The following PRPF18 variants were observed in gnomAD, a reference collection of about 807,000 sequenced individuals.
PRPF18 encodes pre-mRNA-splicing factor 18.
In PRPF18, 38 loss-of-function variants were observed where a neutral mutation model predicts 46.5. The observed-to-expected ratio is 0.82, with a 90% CI of 0.63 to 1.07. The LOEUF (loss-of-function observed/expected upper bound fraction) is 1.07, where lower values mean the gene tolerates loss of function less well. PRPF18 is among the 50% of genes least tolerant of loss of function. The pLI, the probability that PRPF18 is intolerant of heterozygous loss-of-function variation, is 0.00. For missense variants in PRPF18, 263 were observed against 410.0 expected, an observed-to-expected ratio of 0.64 and a Z score of 3.10; for synonymous variants, 152 against 146.7, an observed-to-expected ratio of 1.04 and a Z score of -0.26.
intron 9 of PRPF18, among the ~76,000 whole-genome samples, chr10:13,626,651 C>T (rs1364996568): frequency 1.3e-5 from 2 of 152,120 alleles, no homozygotes; most frequent in Non-Finnish European, 2.9e-5. Context: ...GTGGAAAAAC[C>T]AAGCACTGTC....
the PRPF18 span, chr10:13,642,295 T>G: frequency 6.6e-6 from 1 of 152,322 alleles, no homozygotes; most frequent in African/African-American, 2.4e-5. Context: ...AGTAAGCTTT[T>G]AAGAACTGGA....
intron 1 of PRPF18, among the ~76,000 whole-genome samples, chr10:13,594,251 G>C (rs963233939): frequency 3.3e-5 from 5 of 152,234 alleles, no homozygotes; most frequent in Non-Finnish European, 4.4e-5. Context: ...AGTGAGAAAA[G>C]TGACATTGTT....
the PRPF18 span, chr10:13,641,068 T>C: frequency 1.3e-5 from 2 of 152,246 alleles, no homozygotes; most frequent in African/African-American, 2.4e-5. Context: ...GCTGTTCCTC[T>C]TTCTGTCATA....
intron 5 of PRPF18, among the ~76,000 whole-genome samples, chr10:13,610,871 A>C (rs1049798365): frequency 6.6e-6 from 1 of 152,208 alleles, no homozygotes; most frequent in Non-Finnish European, 1.5e-5. Flanking sequence ...AGCCCTGCCA[A>C]CGCTTGGCAA....
chr10:13,627,966 C>A (rs2080533931), intron 9 of PRPF18, among the ~76,000 whole-genome samples: 1 of 151,900 alleles, frequency 6.6e-6, no homozygotes, highest in South Asian at 2.1e-4. Context: ...CTCACCTATT[C>A]CTTCAGGAAC....
intron 9 of PRPF18, among the ~76,000 whole-genome samples, chr10:13,620,770 T>A (rs1257443470): frequency 6.6e-6 from 1 of 152,252 alleles, no homozygotes; most frequent in East Asian, 1.9e-4. Context: ...AGGGGCAGTT[T>A]CACTGGAACA....
At chr10:13,599,102 TAAA>T (rs1340964746) in intron 2 of PRPF18, among the ~76,000 whole-genome samples, 1 of 152,198 alleles carries the variant, frequency 6.6e-6, no homozygotes, top group Non-Finnish European at 1.5e-5. Context: ...TTTCCATGCT[TAAA>T]AAGTAAAGCA....
chr10:13,627,886 C>T (rs2080532902), intron 9 of PRPF18, among the ~76,000 whole-genome samples: 1 of 152,174 alleles, frequency 6.6e-6, no homozygotes, highest in African/African-American at 2.4e-5. Flanking sequence ...CAATTCTTGC[C>T]ATGCTCTGCT....
the PRPF18 span, chr10:13,648,694 G>A: frequency 1.3e-5 from 2 of 152,172 alleles, no homozygotes; most frequent in African/African-American, 2.4e-5. Flanking sequence ...CAGTGACATC[G>A]GCTGGTACAC....
At chr10:13,649,088 G>A in the PRPF18 span, 1 of 152,198 alleles carries the variant, frequency 6.6e-6, no homozygotes, top group East Asian at 1.9e-4. Context: ...AACACACTTT[G>A]AAAAATACTC....
intron 5 of PRPF18, among the ~76,000 whole-genome samples, chr10:13,610,986 A>G (rs2080260927): frequency 6.6e-6 from 1 of 152,242 alleles, no homozygotes; most frequent in Admixed American, 6.5e-5. Flanking sequence ...TAAAATAAAT[A>G]TGGCTTAAAG....
At chr10:13,635,295 TTGG>T (rs1159911212), downstream of PRPF18, among the ~76,000 whole-genome samples, 4 of 152,352 alleles carry the variant, frequency 2.6e-5, no homozygotes, top group African/African-American at 9.6e-5. Flanking sequence ...CAGGCTATCA[TTGG>T]TGGGCATTTG....
chr10:13,649,382 G>C, the PRPF18 span: 5 of 152,240 alleles, frequency 3.3e-5, no homozygotes, highest in Admixed American at 1.3e-4. Context: ...TTCTCCTGTG[G>C]TTCATTATGG....
At chr10:13,624,009 G>A (rs1434690381) in intron 9 of PRPF18, among the ~76,000 whole-genome samples, 1 of 152,106 alleles carries the variant, frequency 6.6e-6, no homozygotes, top group Admixed American at 6.6e-5. Flanking sequence ...ATTTCAGACA[G>A]GGTCTCATTC....
At chr10:13,635,842 A>AT (rs1052347836), downstream of PRPF18, among the ~76,000 whole-genome samples, 23 of 152,150 alleles carry the variant, frequency 1.5e-4, no homozygotes, top group Admixed American at 4.6e-4. Flanking sequence ...TTCTTTTTTG[A>AT]TTTTTTTTAA....
chr10:13,633,760 T>A (rs1479294455), downstream of PRPF18, among the ~76,000 whole-genome samples: 2 of 152,144 alleles, frequency 1.3e-5, no homozygotes, highest in African/African-American at 2.4e-5. Flanking sequence ...ATGAAGCCCC[T>A]AAAGAATAAG....
intron 9 of PRPF18, among the ~76,000 whole-genome samples, chr10:13,619,336 AC>A (rs2080391936): frequency 6.6e-6 from 1 of 152,246 alleles, no homozygotes; most frequent in Non-Finnish European, 1.5e-5. Flanking sequence ...TTTTCAGAAA[AC>A]GTTTTTATTT....
the PRPF18 span, among the ~76,000 whole-genome samples, chr10:13,649,907 G>C: frequency 6.6e-6 from 1 of 152,234 alleles, no homozygotes; most frequent in African/African-American, 2.4e-5. Context: ...ACTGGAACAT[G>C]AGCTGGGGCA....
the PRPF18 span, among the ~76,000 whole-genome samples, chr10:13,636,033 T>C: frequency 6.6e-6 from 1 of 152,170 alleles, no homozygotes; most frequent in Non-Finnish European, 1.5e-5. Flanking sequence ...AAATTGGCAG[T>C]ATGTATAGCT....
Sources: gnomAD v4.1 joint callset for allele counts (sites outside exome capture counted in the v4.1 genomes callset) on GRCh38, gnomAD v4.1.1 for gene constraint, MANE v1.5 for transcripts, NCBI Gene and HGNC (gene_info 2026-07-23, HGNC 2026-07-21) for gene names.